RWDD4: variants seen among roughly 807,000 people sequenced by gnomAD.
The protein encoded by RWDD4 is RWD domain-containing protein 4.
Under a neutral mutation model 30.0 loss-of-function variants are expected in RWDD4, and 16 were observed. The ratio of observed to expected loss-of-function variants is 0.53; its 90% CI spans 0.36 to 0.81. RWDD4 has a LOEUF of 0.81. Ranked by LOEUF, RWDD4 falls within the 30% of genes least tolerant of loss-of-function variation. RWDD4 has a pLI of 0.00. For synonymous variants in RWDD4, 45 were observed against 72.1 expected (o/e 0.62, Z 1.90); for missense variants, 170 against 223.9 (o/e 0.76, Z 1.54).
chr4:183,658,473 A>G (rs761013969), intron 1 of RWDD4, among the ~76,000 whole-genome samples: 12 of 152,232 alleles, frequency 7.9e-5, no homozygotes, highest in Non-Finnish European at 1.5e-4. Context: ...CCCAAACAAT[A>G]TGGACAGAAA....
chr4:183,642,750 C>T (rs1016339965), intron 7 of RWDD4, among the ~76,000 whole-genome samples: 1 of 152,012 alleles, frequency 6.6e-6, no homozygotes, highest in African/African-American at 2.4e-5. Flanking sequence ...TGGAAAACGC[C>T]AGAGAAGTTT....
At chr4:183,642,102 T>G (rs896644227) in intron 7 of RWDD4, among the ~76,000 whole-genome samples, 4 of 151,552 alleles carry the variant, frequency 2.6e-5, no homozygotes, top group Admixed American at 2.6e-4. Context: ...CACTAGAGAG[T>G]GTGGGAAGCC....
chr4:183,655,867 A>G lies in RWDD4; in HGVS notation c.105+14T>C, dbSNP rs112882063. The G allele has an allele frequency of 2.6e-6, 4 of 1,551,194 alleles. No homozygotes were observed. Among genetic ancestry groups the G allele is most frequent in the Non-Finnish European group, 3.5e-6 (4 of 1,130,148 alleles). On this transcript the variant is annotated intron_variant, in intron 2 of 7. Coordinates refer to ENST00000326397, the MANE Select transcript of RWDD4 (RefSeq NM_152682.4). Reference sequence around the variant, plus strand: ...AGAAAAGTTCTAAGTGCTCTTATTCATGCCATGTCTTACCCTATATTGAAA... The same window carrying G: ...AGAAAAGTTCTAAGTGCTCTTATTCGTGCCATGTCTTACCCTATATTGAAA...
At chr4:183,652,094 A>G (rs920979177) in intron 2 of RWDD4, among the ~76,000 whole-genome samples, 3 of 152,174 alleles carry the variant, frequency 2.0e-5, no homozygotes, top group Non-Finnish European at 2.9e-5. Context: ...AATTTCCTCA[A>G]TATGTGAGTA....
intron 2 of RWDD4, among the ~76,000 whole-genome samples, chr4:183,655,298 T>C (rs1734164491): frequency 6.7e-6 from 1 of 148,546 alleles, no homozygotes; most frequent in Non-Finnish European, 1.5e-5. Context: ...TAAAATACTG[T>C]TACTATTTTT....
intron 5 of RWDD4, among the ~76,000 whole-genome samples, chr4:183,648,116 C>G (rs889272377): frequency 6.6e-6 from 1 of 152,054 alleles, no homozygotes; most frequent in Non-Finnish European, 1.5e-5. Context: ...TAGTGACATG[C>G]GCCAGTAGTC....
At chr4:183,641,705 G>A (rs145463810) in intron 7 of RWDD4, among the ~76,000 whole-genome samples, 136 of 152,108 alleles carry the variant, frequency 8.9e-4, no homozygotes, top group African/African-American at 2.9e-3. Context: ...GTGGGTGAGC[G>A]GGACACTCTT....
In RWDD4 at chr4:183,641,581, TAC is replaced by T. The variant is rs200301097; in HGVS notation, c.535-115_535-114del. 1.8e-4 allele frequency: 139 copies of T among 778,730 alleles called. 1 individual carries two copies. The East Asian group carries it at 3.4e-3, about 19-fold the overall frequency. 48.2% of individuals were successfully genotyped at this position (778,730 alleles called of 1,614,324 possible). On this transcript the variant is annotated intron_variant, in intron 7 of 7. Transcript: ENST00000326397. ...CGAGGCTTAAGTAACTTAAATCACCTACAGTTTTTACCACATGTAGCTACTTT... is the reference window on the plus strand; with the variant it reads ...CGAGGCTTAAGTAACTTAAATCACCTAGTTTTTACCACATGTAGCTACTTT...
chr4:183,655,187 TGCCTCG>T (rs1345469700), intron 2 of RWDD4, among the ~76,000 whole-genome samples: 1 of 152,066 alleles, frequency 6.6e-6, no homozygotes, highest in Non-Finnish European at 1.5e-5. Context: ...GTGATCCGCC[TGCCTCG>T]GCCTCTCAAA....
chr4:183,655,744 G>C, intron 2 of RWDD4, 137 bp downstream of exon 2: 2 of 582,100 alleles, frequency 3.4e-6, no homozygotes, highest in Non-Finnish European at 6.2e-6. Flanking sequence ...ATGTTAGGGT[G>C]ATGTTTCCAT....
chr4:183,646,291 G>C lies in RWDD4; in HGVS notation c.534+60C>G, dbSNP rs534537154. The C allele has an allele frequency of 1.3e-4, 97 of 766,024 alleles. No homozygotes were observed. The African/African-American group carries it at 1.6e-3, about 13-fold the overall frequency. The allele number at this position is 766,024 out of a possible 1,614,324, so 47.5% of individuals were successfully genotyped here. A position where few individuals can be genotyped will look rare whatever the true frequency, so the allele number is the denominator to read the frequency against. ...TTTTCCATTACTTAAAAAAAAAAAA[G>C]ATCTAAAATTGAGAGTGCAGGGAAA... On this transcript the variant is annotated intron_variant, in intron 7 of 7. Transcript: ENST00000326397.
intron 1 of RWDD4, among the ~76,000 whole-genome samples, chr4:183,657,593 A>G (rs1327011514): frequency 6.6e-6 from 1 of 152,256 alleles, no homozygotes; most frequent in Non-Finnish European, 1.5e-5. Context: ...GCTTTGTATA[A>G]AGCACTTAAA....
chr4:183,652,127 T>C (rs78034590), intron 2 of RWDD4, among the ~76,000 whole-genome samples: 15 of 152,278 alleles, frequency 9.9e-5, no homozygotes, highest in Non-Finnish European at 2.1e-4. Context: ...AAAAGGACAA[T>C]CTTCTTCATA....
At chr4:183,652,702 C>G (rs1383857955) in intron 2 of RWDD4, among the ~76,000 whole-genome samples, 1 of 151,296 alleles carries the variant, frequency 6.6e-6, no homozygotes, top group Non-Finnish European at 1.5e-5. Flanking sequence ...CCCAGCTGCT[C>G]AGGAGGCTGA....
chr4:183,650,841 T>C (rs1011938877), intron 4 of RWDD4, 143 bp downstream of exon 4: 3 of 681,270 alleles, frequency 4.4e-6, no homozygotes, highest in Non-Finnish European at 4.6e-6. Flanking sequence ...CTGAAATCCA[T>C]TGTTCTCATT....
At chr4:183,644,328 G>A (rs1177459192) in intron 7 of RWDD4, among the ~76,000 whole-genome samples, 1 of 152,226 alleles carries the variant, frequency 6.6e-6, no homozygotes, top group Non-Finnish European at 1.5e-5. Flanking sequence ...TTACACAGGG[G>A]AGGAAGAAAT....
chr4:183,655,403 T>A (rs1322536067), intron 2 of RWDD4, among the ~76,000 whole-genome samples: 1 of 151,890 alleles, frequency 6.6e-6, no homozygotes, highest in Non-Finnish European at 1.5e-5. Flanking sequence ...TGCCTCAGCC[T>A]CCCGAGTAGC....
In RWDD4 at chr4:183,641,310, G is replaced by A. The variant is rs997167103; in HGVS notation, c.*126C>T. 2.2e-5 allele frequency: 17 copies of A among 767,788 alleles called. No individual in the cohort carries two copies. The African/African-American group carries it at 3.0e-4, about 13-fold the overall frequency. 47.6% of individuals were successfully genotyped at this position (767,788 alleles called of 1,614,324 possible). On this transcript the variant is annotated 3_prime_UTR_variant, in exon 8 of 8. Coordinates refer to ENST00000326397, the MANE Select transcript of RWDD4 (RefSeq NM_152682.4). ...ACTTTCAACTTACAACCTTTTTAAT[G>A]TAAGAAACATACAAAAAATTGTGTT...
chr4:183,654,197 A>T (rs897638298), intron 2 of RWDD4, among the ~76,000 whole-genome samples: 2 of 152,220 alleles, frequency 1.3e-5, no homozygotes, highest in Admixed American at 6.5e-5. Context: ...GACAGAAACA[A>T]ACAGAAGGAT....
Sources: allele counts gnomAD v4.1 joint callset (sites outside exome capture counted in the v4.1 genomes callset), GRCh38; gene constraint gnomAD v4.1.1; transcripts MANE v1.5; gene names NCBI Gene and HGNC (gene_info 2026-07-23, HGNC 2026-07-21).